Variants in VWA5B1 observed in about 807,000 individuals in gnomAD.
VWA5B1 encodes von Willebrand factor A domain containing 5B1.
VWA5B1 carries 115 observed loss-of-function variants against 118.2 expected under a neutral mutation model. The observed-to-expected ratio is 0.97, with a 90% CI of 0.84 to 1.14. The LOEUF (loss-of-function observed/expected upper bound fraction) is 1.14. Among genes scored for constraint, VWA5B1 ranks in the 50% most tolerant of loss-of-function variants. The probability of loss-of-function intolerance (pLI) is 0.00; values close to 1 mark genes in which losing one functional copy is unlikely to be tolerated. For synonymous variants in VWA5B1, 682 were observed against 658.4 expected, an observed-to-expected ratio of 1.04 and a Z score of -0.55; for missense variants, 1,596 against 1,603.8, an observed-to-expected ratio of 1.00 and a Z score of 0.08.
At chr1:20,296,366 A>C (rs962548651) in intron 1 of VWA5B1, among the ~76,000 whole-genome samples, 2 of 152,208 alleles carry the variant, frequency 1.3e-5, no homozygotes, top group African/African-American at 4.8e-5. Flanking sequence ...GCACGGTGAA[A>C]CTGACATCAT....
intron 16 of VWA5B1, among the ~76,000 whole-genome samples, chr1:20,343,985 C>G (rs1452732862): frequency 7.0e-6 from 1 of 142,026 alleles, no homozygotes; most frequent in Admixed American, 7.0e-5. Flanking sequence ...AGCCCCGCCA[C>G]GGCTCACTGC....
intron 1 of VWA5B1, among the ~76,000 whole-genome samples, chr1:20,302,706 T>A (rs912898153): frequency 6.6e-6 from 1 of 152,082 alleles, no homozygotes; most frequent in Non-Finnish European, 1.5e-5. Context: ...ACTGTGCTGG[T>A]GGCAGGGGGC....
At chr1:20,305,882 C>T (rs2088637630) in intron 1 of VWA5B1, among the ~76,000 whole-genome samples, 1 of 152,028 alleles carries the variant, frequency 6.6e-6, no homozygotes, top group African/African-American at 2.4e-5. Context: ...GGATATCTCT[C>T]CCTCAGCGGA....
At chr1:20,353,202 A>G (rs1201882698) in intron 21 of VWA5B1, among the ~76,000 whole-genome samples, 1 of 152,206 alleles carries the variant, frequency 6.6e-6, no homozygotes, top group Non-Finnish European at 1.5e-5. Context: ...GTCAACGATT[A>G]GGTGGTGCAG....
At position 20,343,348 on chromosome 1, in the gene VWA5B1, C is replaced by G. The variant is rs1214165885; in HGVS notation, c.2581C>G (p.Arg861Gly). 6 of 1,541,020 alleles carry G rather than the reference C, an allele frequency of 3.9e-6. No individual in the cohort carries two copies. Among genetic ancestry groups the G allele is most frequent in the Non-Finnish European group, 5.2e-6 (6 of 1,144,810 alleles). ...FHHLAARAII[R>G]DFEQLAEREG... ...CCACCTGGCGGCCCGCGCCATCATC[C>G]GCGACTTCGAGCAGCTGGCGGAGCG... Residue 861 changes from arginine to glycine, a missense_variant, in exon 16 of 22, where the codon CGC (arginine) becomes GGC (glycine). Transcript: ENST00000289815.
At chr1:20,295,774 T>C (rs891302435) in intron 1 of VWA5B1, among the ~76,000 whole-genome samples, 1 of 152,144 alleles carries the variant, frequency 6.6e-6, no homozygotes, top group Admixed American at 6.5e-5. Flanking sequence ...TGGGTCTACC[T>C]GGTTCGCCGT....
At chr1:20,337,298 T>G (rs2089745312) in intron 13 of VWA5B1, among the ~76,000 whole-genome samples, 2 of 151,998 alleles carry the variant, frequency 1.3e-5, no homozygotes, top group South Asian at 4.2e-4. Context: ...TGGCTAATTT[T>G]TGTATTTTTT....
chr1:20,332,817 G>A lies in VWA5B1; in HGVS notation c.1624G>A (p.Val542Met). The A allele has an allele frequency of 6.4e-7, 1 of 1,551,834 alleles. No homozygotes were observed. Among genetic ancestry groups the A allele is most frequent in the Admixed American group, 2.0e-5 (1 of 51,016 alleles). Residue 542 changes from valine to methionine, a missense_variant, in exon 12 of 22, where the codon GTG becomes ATG. Physicochemically the swap from Val to Met is conservative, Grantham distance 21. Transcript: ENST00000289815. ...AMAPVLSDVT[V>M]EWIFPETTEV... The stretch of plus-strand genomic sequence containing the variant: ...GGCCCCAGTCCTGAGCGATGTGACT[G>A]TGGAGTGGATCTTCCCTGAGACCAC...
At chr1:20,342,667 G>C (rs538508731) in intron 15 of VWA5B1, 58 bp downstream of exon 15, 1 of 1,439,304 alleles carries the variant, frequency 6.9e-7, no homozygotes, top group East Asian at 2.6e-5. Flanking sequence ...ACTGGCTGTT[G>C]TTCAACTTCA....
At chr1:20,342,948 G>C (rs1026154606) in intron 15 of VWA5B1, 131 bp from the exon 16 acceptor site, 105 of 1,426,260 alleles carry the variant, frequency 7.4e-5, no homozygotes, top group Non-Finnish European at 9.0e-5. Context: ...GGAGTTGCCT[G>C]TTCCCTGGGG....
In VWA5B1 at chr1:20,318,627, C is replaced by T. The variant is rs200590934; in HGVS notation, c.747C>T (p.Ala249=). The stretch of plus-strand genomic sequence containing the variant: ...CCACTCATGAGATTCGTGCCGACGC[C>T]GCCCCATCTGCCCGCTCGGCCAAGA... The part of the protein sequence containing the change: ...ESPTHEIRAD[A]APSARSAKSI... The change falls in exon 6 of 22, where the codon GCC becomes GCT. Residue 249 remains alanine, a synonymous_variant. Transcript: ENST00000289815. 1,066 of 1,551,002 alleles carry T rather than the reference C, an allele frequency of 6.9e-4. 1 individual carries two copies. Among genetic ancestry groups the T allele is most frequent in the Non-Finnish European group, 8.2e-4 (942 of 1,146,764 alleles).
intron 14 of VWA5B1, among the ~76,000 whole-genome samples, chr1:20,341,126 CT>C (rs1557438542): frequency 1.3e-5 from 2 of 152,030 alleles, no homozygotes. Context: ...AAGAAAGATA[CT>C]TCTTTATTTT....
chr1:20,346,072 T>C (rs1290972465), intron 17 of VWA5B1, among the ~76,000 whole-genome samples: 1 of 152,162 alleles, frequency 6.6e-6, no homozygotes, highest in Non-Finnish European at 1.5e-5. Context: ...GTGCTATATT[T>C]TACAAAATAT....
chr1:20,348,159 A>C (rs1486058372), intron 17 of VWA5B1, 86 bp from the exon 18 acceptor site: 1 of 1,244,554 alleles, frequency 8.0e-7, no homozygotes, highest in East Asian at 2.6e-5. Context: ...GATTGAAGCC[A>C]GAATCATTCC....
In VWA5B1 at chr1:20,341,727, CT is replaced by C. The variant is rs2089879627; in HGVS notation, c.2134-701del. ...ATGTATTTCTCCATTTATCCCTTGCCTTTTGATGTCTGTTTGTACCAGCACA... is the reference window on the plus strand; with the variant it reads ...ATGTATTTCTCCATTTATCCCTTGCCTTTGATGTCTGTTTGTACCAGCACA... On this transcript the variant is annotated intron_variant, in intron 14 of 21. Coordinates refer to ENST00000289815, the MANE Select transcript of VWA5B1 (RefSeq NM_001039500.3). Among the ~76,000 whole-genome samples, 3 of 152,264 alleles carry C rather than the reference CT, an allele frequency of 2.0e-5. No homozygotes were observed. In the South Asian group the frequency reaches 6.2e-4, roughly 32 times the overall value.
chr1:20,340,979 C>T (rs1330104831), intron 14 of VWA5B1, among the ~76,000 whole-genome samples: 2 of 151,990 alleles, frequency 1.3e-5, no homozygotes, highest in Non-Finnish European at 2.9e-5. Flanking sequence ...GTGAATTTAC[C>T]CTTTTTGGTG....
In VWA5B1 at chr1:20,336,322, G is replaced by A. The variant is rs2089714747; in HGVS notation, c.1778G>A (p.Ser593Asn). The change falls in exon 13 of 22, where the codon AGC becomes AAC. Residue 593 changes from serine to asparagine, a missense_variant. By Grantham distance (46) the Ser-to-Asn change is conservative. Coordinates refer to ENST00000289815, the MANE Select transcript of VWA5B1 (RefSeq NM_001039500.3). ...NPRSDKRRRY[S>N]MLHSQESGSS... ...CTACAGGACAAGAGGCGCCGGTACA[G>A]CATGCTGCACTCTCAGGAGTCTGGC... The A allele has an allele frequency of 2.7e-6, 4 of 1,491,352 alleles. No individual in the cohort carries two copies. Among genetic ancestry groups the A allele is most frequent in the East Asian group, 2.6e-5 (1 of 38,528 alleles). 92.4% of individuals were successfully genotyped at this position (1,491,352 alleles called of 1,614,324 possible). A position where few individuals can be genotyped will look rare whatever the true frequency, so the allele number is the denominator to read the frequency against.
rs562537866 is a variant in VWA5B1 at position 20,336,464 on chromosome 1, C to T, written c.1920C>T (p.Ser640=). The change falls in exon 13 of 22, where the codon AGC becomes AGT. Residue 640 remains serine, a synonymous_variant. Coordinates refer to ENST00000289815, the MANE Select transcript of VWA5B1 (RefSeq NM_001039500.3). ...AGGCCAAAAATGCCCGGCTAGCCAG[C>T]GGAGACTCTACCACCAAGCACGGTT... ...LGQAKNARLA[S]GDSTTKHDLN... is the part of the protein sequence containing the mutation. 4.0e-5 allele frequency: 59 copies of T among 1,464,928 alleles called. No homozygotes were observed. In the Admixed American group the frequency reaches 5.0e-4, roughly 12 times the overall value. The allele number at this position is 1,464,928 out of a possible 1,614,324, so 90.7% of individuals were successfully genotyped here.
intron 17 of VWA5B1, 102 bp downstream of exon 17, chr1:20,345,695 G>A (rs1011248526): frequency 4.9e-5 from 70 of 1,424,954 alleles, no homozygotes; most frequent in Admixed American, 4.6e-4. Context: ...AGCAGGGAGC[G>A]GGGTGAGACA....
Sources: allele counts gnomAD v4.1 joint callset (sites outside exome capture counted in the v4.1 genomes callset), GRCh38; gene constraint gnomAD v4.1.1; transcripts MANE v1.5; gene names NCBI Gene and HGNC (gene_info 2026-07-23, HGNC 2026-07-21).